AHCYL1: variants seen among roughly 807,000 people sequenced by gnomAD.
AHCYL1 encodes S-adenosylhomocysteine hydrolase-like protein 1.
Under a neutral mutation model 79.3 loss-of-function variants are expected in AHCYL1, and 20 were observed. That is an observed-to-expected ratio of 0.25 (90% CI 0.18 to 0.37). AHCYL1 has a LOEUF of 0.37. AHCYL1 is among the 10% of genes least tolerant of loss of function. The pLI is 1.00. For missense variants in AHCYL1, 330 were observed against 673.6 expected (o/e 0.49, Z 5.65); for synonymous variants, 223 against 242.2 (o/e 0.92, Z 0.74).
At chr1:109,999,047 C>G (rs983386759) in intron 1 of AHCYL1, among the ~76,000 whole-genome samples, 1 of 151,876 alleles carries the variant, frequency 6.6e-6, no homozygotes, top group African/African-American at 2.4e-5. Flanking sequence ...ATCCTAGCCA[C>G]TCAGGAGGCT....
chr1:110,011,364 A>ATT lies in AHCYL1; in HGVS notation c.376+7_376+8insTT. 6.2e-7 allele frequency: 1 copy of ATT among 1,613,876 alleles called. No homozygotes were observed. Among genetic ancestry groups the ATT allele is most frequent in the Non-Finnish European group, 8.5e-7 (1 of 1,179,890 alleles). ...ATTGAGATTGCAGAGCAAGGTAAAG[A>ATT]AAGGGAGTGGGTTAGGGGACCAGAA... is the stretch of plus-strand genomic sequence containing the variant. On this transcript the variant is annotated splice_region_variant and intron_variant, in intron 3 of 16. Transcript: ENST00000369799.
chr1:110,006,496 A>G (rs1327574254), intron 1 of AHCYL1, among the ~76,000 whole-genome samples: 6 of 152,228 alleles, frequency 3.9e-5, no homozygotes, highest in Admixed American at 3.9e-4. Flanking sequence ...TATTTGCCTT[A>G]AATGAGTGAG....
intron 1 of AHCYL1, among the ~76,000 whole-genome samples, chr1:109,996,195 G>A (rs1322137236): frequency 2.0e-5 from 3 of 152,140 alleles, no homozygotes; most frequent in African/African-American, 7.2e-5. Flanking sequence ...GGGCAACAGA[G>A]CAAGACTATG....
chr1:110,004,065 C>T lies in AHCYL1; in HGVS notation c.121-4969C>T, dbSNP rs567678634. The T allele has an allele frequency of 4.1e-6, 4 of 985,444 alleles. No individual in the cohort carries two copies. In the East Asian group the frequency reaches 4.5e-4, roughly 112 times the overall value. The allele number at this position is 985,444 out of a possible 1,614,324, so 61.0% of individuals were successfully genotyped here. ...CTCAGCAGTTTGGGGCCTGGTATTG[C>T]CTCACCTCTTCTCGCCGCGAGCATT... is the stretch of plus-strand genomic sequence containing the variant. On this transcript the variant is annotated intron_variant, in intron 1 of 16. Transcript: ENST00000369799.
intron 2 of AHCYL1, among the ~76,000 whole-genome samples, chr1:110,010,658 G>T (rs1313644651): frequency 6.6e-6 from 1 of 152,152 alleles, no homozygotes; most frequent in Non-Finnish European, 1.5e-5. Flanking sequence ...GGTTCTCAAA[G>T]TGTGATCCTC....
rs1372907929 is a variant in AHCYL1 at position 110,018,681 on chromosome 1, G to A, written c.1317+31G>A. 2.5e-6 allele frequency: 4 copies of A among 1,589,906 alleles called. No homozygotes were observed. The African/African-American group carries it at 4.0e-5, about 16-fold the overall frequency. ...CACAGAGAAGGACCCTGGCAGAGCA[G>A]CACAAGCAGAGTAGTTAGATCTATG... On this transcript the variant is annotated intron_variant, in intron 13 of 16. Transcript: ENST00000369799.
intron 3 of AHCYL1, among the ~76,000 whole-genome samples, chr1:110,011,858 GTAAGGTCCTC>G (rs1336596683): frequency 1.3e-5 from 2 of 152,194 alleles, no homozygotes; most frequent in African/African-American, 4.8e-5. Context: ...GCCACTCCCA[GTAAGGTCCTC>G]TTTACTCTTG....
rs549439119 is a variant in AHCYL1 at position 110,014,794 on chromosome 1, A to T, written c.612A>T (p.Ser204=). ...GVAVFAWKGE[S]EDDFWWCIDR... is the part of the protein sequence containing the mutation. ...CAGTGTTCGCTTGGAAGGGCGAGTC[A>T]GAAGATGACTTCTGGTGGTGTATTG... The change falls in exon 6 of 17, where the codon TCA becomes TCT. Residue 204 remains serine (S), a synonymous_variant. Coordinates refer to ENST00000369799, the MANE Select transcript of AHCYL1 (RefSeq NM_006621.7). The T allele has an allele frequency of 3.1e-6, 5 of 1,614,256 alleles. No homozygotes were observed. The highest frequency in any genetic ancestry group is 4.2e-6 in the Non-Finnish European group (5 of 1,180,038).
rs1651901641 is a variant in AHCYL1 at position 110,023,148 on chromosome 1, T to C, written c.*1468T>C. 1 of 152,656 alleles carries C rather than the reference T, an allele frequency of 6.6e-6. No individual in the cohort carries two copies. Among genetic ancestry groups the C allele is most frequent in the Non-Finnish European group, 1.5e-5 (1 of 68,042 alleles). The allele number at this position is 152,656 out of a possible 1,614,324, so 9.5% of individuals were successfully genotyped here. ...TCAAAGTTGGGTCATACGTTAGTGC[T>C]AGATACTAGAAATTTTCACTTTTCC... On this transcript the variant is annotated 3_prime_UTR_variant, in exon 17 of 17. Coordinates refer to ENST00000369799, the MANE Select transcript of AHCYL1 (RefSeq NM_006621.7).
At chr1:109,993,631 T>C (rs1649877398) in intron 1 of AHCYL1, among the ~76,000 whole-genome samples, 1 of 152,190 alleles carries the variant, frequency 6.6e-6, no homozygotes, top group South Asian at 2.1e-4. Flanking sequence ...GATGAGAATT[T>C]CCAACTTAAT....
intron 13 of AHCYL1, 141 bp downstream of exon 13, chr1:110,018,791 C>A: frequency 1.1e-6 from 1 of 910,236 alleles, no homozygotes; most frequent in Non-Finnish European, 1.7e-6. Flanking sequence ...CAAATTGGTC[C>A]CCAAAATAAA....
chr1:110,019,926 C>G (rs1651683346), intron 15 of AHCYL1, among the ~76,000 whole-genome samples: 1 of 152,184 alleles, frequency 6.6e-6, no homozygotes, highest in Non-Finnish European at 1.5e-5. Context: ...CAGTAAACTT[C>G]CCAGTGCAGC....
At chr1:109,995,795 A>G (rs998412227) in intron 1 of AHCYL1, 2 of 663,324 alleles carry the variant, frequency 3.0e-6, no homozygotes, top group African/African-American at 2.0e-5. Flanking sequence ...GCTGAGAGTA[A>G]GAGAACAGAT....
At chr1:109,988,322 A>G (rs967832961) in intron 1 of AHCYL1, among the ~76,000 whole-genome samples, 71 of 152,332 alleles carry the variant, frequency 4.7e-4, no homozygotes, top group African/African-American at 1.5e-3. Flanking sequence ...GTGATTTCAG[A>G]TGGTATGGCT....
intron 3 of AHCYL1, 44 bp downstream of exon 3, chr1:110,011,401 G>T: frequency 1.2e-6 from 2 of 1,603,974 alleles, no homozygotes; most frequent in African/African-American, 1.3e-5. Flanking sequence ...CAACCCTCTT[G>T]TTGGCCATCA....
intron 2 of AHCYL1, among the ~76,000 whole-genome samples, chr1:110,010,001 T>C (rs1052084746): frequency 3.3e-5 from 5 of 152,248 alleles, no homozygotes; most frequent in Admixed American, 1.3e-4. Context: ...ACCTTTTGCA[T>C]TGTATTATCA....
At position 110,017,975 on chromosome 1, in the gene AHCYL1, A is replaced by G; in HGVS notation, c.1082A>G (p.Asn361Ser). 2.5e-6 allele frequency: 4 copies of G among 1,614,216 alleles called. No homozygotes were observed. Among genetic ancestry groups the G allele is most frequent in the Non-Finnish European group, 3.4e-6 (4 of 1,180,030 alleles). The change falls in exon 11 of 17, where the codon AAT (asparagine) becomes AGT (serine). Residue 361 changes from asparagine (N) to serine (S), a missense_variant. By Grantham distance (46) the Asn-to-Ser change is conservative. This residue lies in a region of AHCYL1 where 119 missense variants were observed against 293.3 expected (regional missense o/e 0.41). Coordinates refer to ENST00000369799, the MANE Select transcript of AHCYL1 (RefSeq NM_006621.7). The part of the protein sequence containing the change: ...CMDGFRVVKL[N>S]EVIRQVDVVI... ...GATGGGTTCAGGGTGGTAAAGCTAAATGAAGTCATCCGGCAAGTCGATGTC... is the reference window on the plus strand; with the variant it reads ...GATGGGTTCAGGGTGGTAAAGCTAAGTGAAGTCATCCGGCAAGTCGATGTC...
intron 3 of AHCYL1, 114 bp from the exon 4 acceptor site, chr1:110,012,248 T>C: frequency 2.3e-6 from 2 of 857,106 alleles, no homozygotes; most frequent in Non-Finnish European, 1.8e-6. Flanking sequence ...GGAAATAGGC[T>C]TAAAGTTTTT....
intron 3 of AHCYL1, 137 bp downstream of exon 3, chr1:110,011,494 C>A: frequency 1.7e-6 from 2 of 1,192,206 alleles, no homozygotes; most frequent in Non-Finnish European, 2.3e-6. Context: ...TTCGGATAAA[C>A]ACTTCTCTCT....
Sources: allele counts gnomAD v4.1 joint callset (sites outside exome capture counted in the v4.1 genomes callset), GRCh38; gene constraint gnomAD v4.1.1; regional missense constraint gnomAD v4.1.1; transcripts MANE v1.5; gene names NCBI Gene and HGNC (gene_info 2026-07-23, HGNC 2026-07-21).